MYCBP2: variants seen among roughly 807,000 people sequenced by gnomAD.
MYCBP2 encodes the protein E3 ubiquitin-protein ligase MYCBP2.
Under a neutral mutation model 525.3 loss-of-function variants are expected in MYCBP2, and 120 were observed. The observed-to-expected ratio is 0.23, with a 90% CI of 0.20 to 0.27. The LOEUF is 0.27. Ranked by LOEUF, MYCBP2 falls within the 10% of genes least tolerant of loss-of-function variation. The pLI is 1.00. For synonymous variants in MYCBP2, 1,894 were observed against 1,955.8 expected (o/e 0.97, Z 0.83); for missense variants, 4,149 against 5,657.1 (o/e 0.73, Z 8.55).
At chr13:77,293,748 G>A (rs1441210622) in intron 2 of MYCBP2, among the ~76,000 whole-genome samples, 1 of 152,050 alleles carries the variant, frequency 6.6e-6, no homozygotes, top group Non-Finnish European at 1.5e-5. Flanking sequence ...ACCGCCACTG[G>A]CTTTGAAGAT....
intron 36 of MYCBP2, 25 bp from the exon 37 acceptor site, chr13:77,174,514 C>G: frequency 6.3e-7 from 1 of 1,590,654 alleles, no homozygotes; most frequent in Non-Finnish European, 8.6e-7. Flanking sequence ...TGTAAAACAT[C>G]TTTTATTCAC....
intron 32 of MYCBP2, among the ~76,000 whole-genome samples, chr13:77,182,671 C>T (rs1042034352): frequency 4.6e-5 from 7 of 152,120 alleles, no homozygotes; most frequent in African/African-American, 1.7e-4. Flanking sequence ...TAATCTTGCC[C>T]CTGGAAATTG....
At chr13:77,161,352 G>A (rs758746487) in intron 44 of MYCBP2, among the ~76,000 whole-genome samples, 3 of 152,206 alleles carry the variant, frequency 2.0e-5, no homozygotes, top group Non-Finnish European at 4.4e-5. Flanking sequence ...AGTGCCAAAT[G>A]TGCTAGTTAA....
At chr13:77,163,374 G>T (rs1359705075) in intron 43 of MYCBP2, among the ~76,000 whole-genome samples, 1 of 151,566 alleles carries the variant, frequency 6.6e-6, no homozygotes, top group Non-Finnish European at 1.5e-5. Context: ...GGATGGAGAA[G>T]AATAAAAGGG....
At position 77,051,935 on chromosome 13, in the gene MYCBP2, T is replaced by A. The variant is rs749740503; in HGVS notation, c.13648-17A>T. 1 of 1,602,918 alleles carries A rather than the reference T, an allele frequency of 6.2e-7. No homozygotes were observed. The highest frequency in any genetic ancestry group is 8.5e-7 in the Non-Finnish European group (1 of 1,170,204). On this transcript the variant is annotated splice_polypyrimidine_tract_variant and intron_variant, in intron 80 of 82. Transcript: ENST00000544440. ...AAAATATGCCTGTGGAGAAAACACA[T>A]CTAGATTACAGCAGGAAAAAAGAAA...
chr13:77,248,640 C>A (rs1383144646), intron 15 of MYCBP2, among the ~76,000 whole-genome samples: 1 of 152,152 alleles, frequency 6.6e-6, no homozygotes, highest in African/African-American at 2.4e-5. Context: ...TGTGGAGAAA[C>A]TGGAACATCT....
At chr13:77,153,203 T>G (rs2056755654) in intron 46 of MYCBP2, among the ~76,000 whole-genome samples, 1 of 152,110 alleles carries the variant, frequency 6.6e-6, no homozygotes, top group Admixed American at 6.5e-5. Context: ...AAGGCTGTCA[T>G]GCTGATTCTT....
At chr13:77,064,355 T>C (rs994183870) in intron 73 of MYCBP2, among the ~76,000 whole-genome samples, 4 of 152,310 alleles carry the variant, frequency 2.6e-5, no homozygotes, top group East Asian at 3.9e-4. Flanking sequence ...CAATGTACAA[T>C]GTAATTAGCC....
chr13:77,106,427 T>C (rs1382569762), intron 55 of MYCBP2, among the ~76,000 whole-genome samples: 1 of 152,136 alleles, frequency 6.6e-6, no homozygotes. Context: ...AAACAGGCTA[T>C]TCAGAAGGAC....
intron 61 of MYCBP2, chr13:77,087,888 C>T (rs2044628764): frequency 3.6e-6 from 1 of 274,214 alleles, no homozygotes; most frequent in Middle Eastern, 1.1e-3. Context: ...ACAAATGATC[C>T]TCCCACCTCA....
chr13:77,126,607 C>T, intron 52 of MYCBP2, 65 bp from the exon 53 acceptor site: 2 of 1,228,704 alleles, frequency 1.6e-6, no homozygotes, highest in Non-Finnish European at 2.3e-6. Flanking sequence ...CAAAGCCTTC[C>T]TATTAATAGC....
rs1342830233 is a variant in MYCBP2, at chr13:77,045,478, T to G, written c.13937A>C (p.Gln4646Pro). 1.2e-6 allele frequency: 2 copies of G among 1,613,722 alleles called. No homozygotes were observed. The highest frequency in any genetic ancestry group is 1.7e-5 in the Admixed American group (1 of 59,966). Residue 4646 changes from glutamine to proline, a missense_variant, in exon 83 of 83, where the codon CAG (glutamine) becomes CCG (proline). Transcript: ENST00000544440. ...GAGTGGACATTCAGTTCCTTCTAAC[T>G]GCTTGCCTTTGGGACCTGTATAAAT... ...PHCPAGPKGKQLEGTECPLHV... is the reference protein window; with the variant it reads ...PHCPAGPKGKPLEGTECPLHV...
At chr13:77,092,804 T>C (rs1461471316) in intron 59 of MYCBP2, among the ~76,000 whole-genome samples, 5 of 152,302 alleles carry the variant, frequency 3.3e-5, no homozygotes, top group South Asian at 2.1e-4. Flanking sequence ...GATACTACCA[T>C]ACCTAAGTTA....
intron 1 of MYCBP2, among the ~76,000 whole-genome samples, chr13:77,310,064 A>T (rs2154375158): frequency 6.6e-6 from 1 of 152,296 alleles, no homozygotes; most frequent in South Asian, 2.1e-4. Context: ...GTAAGCCAAG[A>T]TCGCCCCACT....
chr13:77,218,862 A>T (rs117682347), intron 20 of MYCBP2, among the ~76,000 whole-genome samples: 3,718 of 152,318 alleles, frequency 0.024, 84 homozygotes, highest in Middle Eastern at 0.058. Context: ...TAATTATGAC[A>T]CTTTAAATTT....
intron 71 of MYCBP2, among the ~76,000 whole-genome samples, chr13:77,066,297 CTGTT>C (rs2040186874): frequency 6.6e-6 from 1 of 152,184 alleles, no homozygotes. Context: ...AAGTATTTCT[CTGTT>C]TGCACATTAT....
chr13:77,243,106 T>A lies in MYCBP2; in HGVS notation c.2582A>T (p.Glu861Val), dbSNP rs1168279691. The stretch of plus-strand genomic sequence containing the variant: ...CCTTCTGATTACACGTTGCCGTTTT[T>A]CTTCTTGTCGTAACTGAAGGTGTTC... The part of the protein sequence containing the change: ...IEEHLQLRQE[E>V]KRQRVIRRHR... The change falls in exon 17 of 83, where the codon GAA becomes GTA. Residue 861 changes from glutamate (E) to valine (V), a missense_variant. Glu to Val is a moderately radical substitution (Grantham distance 121). Transcript: ENST00000544440. The A allele has an allele frequency of 5.0e-6, 8 of 1,614,158 alleles. No individual in the cohort carries two copies. The highest frequency in any genetic ancestry group is 6.8e-6 in the Non-Finnish European group (8 of 1,180,018).
Position 77,056,194 on chromosome 13 carries a change from G to C in MYCBP2, c.13438-427C>G, listed in dbSNP as rs2038013991. On this transcript the variant is annotated intron_variant, in intron 79 of 82. Transcript: ENST00000544440. ...TTGAGGGGAAGGCAGAACGCCAGGT[G>C]ACAGAAGTGAACAGGTAGTATTTGC... is the stretch of plus-strand genomic sequence containing the variant. 2.0e-5 allele frequency among the ~76,000 whole-genome samples: 3 copies of C among 149,676 alleles called. No homozygotes were observed. In the Admixed American group the frequency reaches 2.0e-4, roughly 10 times the overall value.
chr13:77,156,620 G>A (rs2154199278), intron 45 of MYCBP2, among the ~76,000 whole-genome samples: 1 of 152,308 alleles, frequency 6.6e-6, no homozygotes, highest in East Asian at 1.9e-4. Context: ...AAAAGCAGGG[G>A]TAGAAATGGC....
Sources: allele counts gnomAD v4.1 joint callset (sites outside exome capture counted in the v4.1 genomes callset), GRCh38; gene constraint gnomAD v4.1.1; transcripts MANE v1.5; gene names NCBI Gene and HGNC (gene_info 2026-07-23, HGNC 2026-07-21).